The following PKP2 variants were observed in gnomAD, a reference collection of about 807,000 sequenced individuals.
PKP2 encodes the protein plakophilin 2, also known as plakophilin-2.
A neutral mutation model predicts 83.4 loss-of-function variants in PKP2; 73 were observed. The observed-to-expected ratio is 0.88, with a 90% CI of 0.72 to 1.06. The LOEUF (loss-of-function observed/expected upper bound fraction) is 1.06, where lower values mean the gene tolerates loss of function less well. PKP2 is among the 50% of genes least tolerant of loss of function. The probability of loss-of-function intolerance (pLI) is 0.00; values close to 1 mark genes in which losing one functional copy is unlikely to be tolerated. For synonymous variants in PKP2, 409 were observed against 430.4 expected (o/e 0.95, Z 0.62); for missense variants, 966 against 1,065.4 (o/e 0.91, Z 1.30).
chr12:32,813,385 A>T (rs1259307523), intron 9 of PKP2, among the ~76,000 whole-genome samples: 1 of 152,220 alleles, frequency 6.6e-6, no homozygotes, highest in South Asian at 2.1e-4. Flanking sequence ...ATGCTAATCA[A>T]CTTACTTTAA....
chr12:32,808,641 T>C (rs562501735), intron 9 of PKP2, among the ~76,000 whole-genome samples: 2 of 152,354 alleles, frequency 1.3e-5, no homozygotes, highest in Admixed American at 6.5e-5. Context: ...GCATTGATTC[T>C]TTCTCATCTT....
At position 32,878,107 on chromosome 12, in the gene PKP2, T is replaced by C; in HGVS notation, c.773A>G (p.Lys258Arg). 6.2e-7 allele frequency: 1 copy of C among 1,614,236 alleles called. No homozygotes were observed. The highest frequency in any genetic ancestry group is 8.5e-7 in the Non-Finnish European group (1 of 1,180,022). ...TSRSMGNLLE[K>R]ENYLTAGLTV... ...GAGCCCTGCCGTCAGGTAGTTCTCC[T>C]TCTCCAAGAGGTTGCCCATGCTGCG... Residue 258 changes from lysine to arginine, a missense_variant, in exon 3 of 13, where the codon AAG becomes AGG. By Grantham distance (26) the Lys-to-Arg change is conservative. Coordinates refer to ENST00000340811, the MANE Select transcript of PKP2 (RefSeq NM_001005242.3).
At chr12:32,882,779 T>C (rs926513560) in intron 1 of PKP2, among the ~76,000 whole-genome samples, 4 of 152,202 alleles carry the variant, frequency 2.6e-5, no homozygotes, top group Admixed American at 6.5e-5. Context: ...TGTTTATAAA[T>C]AGGGAAACTT....
chr12:32,812,714 G>A (rs1349669261), intron 9 of PKP2, among the ~76,000 whole-genome samples: 2 of 152,134 alleles, frequency 1.3e-5, no homozygotes, highest in African/African-American at 4.8e-5. Flanking sequence ...ATGTTAGCCA[G>A]GCTGGTCTTG....
At chr12:32,829,851 G>A (rs542340756) in intron 6 of PKP2, among the ~76,000 whole-genome samples, 1 of 152,014 alleles carries the variant, frequency 6.6e-6, no homozygotes, top group East Asian at 1.9e-4. Flanking sequence ...AGTAGAGACA[G>A]GGTTTCACCA....
rs890846311 is a variant in PKP2 at position 32,791,251 on chromosome 12, A to G, written c.*1173T>C. On this transcript the variant is annotated 3_prime_UTR_variant, in exon 13 of 13. Transcript: ENST00000340811. ...ACCATTTAAAATATCAGTATTTCTC[A>G]TATCATTTCTGGATGGTCTTGACAC... 3 of 152,194 alleles carry G rather than the reference A, an allele frequency of 2.0e-5. No homozygotes were observed. Among genetic ancestry groups the G allele is most frequent in the Non-Finnish European group, 4.4e-5 (3 of 68,042 alleles). The allele number at this position is 152,194 out of a possible 1,614,324, so 9.4% of individuals were successfully genotyped here.
intron 4 of PKP2, among the ~76,000 whole-genome samples, chr12:32,860,342 T>C (rs1240074359): frequency 6.6e-6 from 1 of 152,186 alleles, no homozygotes; most frequent in Non-Finnish European, 1.5e-5. Context: ...GGAAACTGTC[T>C]GAGGCCAGGG....
intron 9 of PKP2, among the ~76,000 whole-genome samples, chr12:32,817,289 T>C (rs540764887): frequency 6.6e-6 from 1 of 152,344 alleles, no homozygotes; most frequent in East Asian, 1.9e-4. Context: ...TCAAGATGGA[T>C]TTAAGATTTA....
At chr12:32,815,023 T>C (rs1208091915) in intron 9 of PKP2, among the ~76,000 whole-genome samples, 5 of 151,742 alleles carry the variant, frequency 3.3e-5, no homozygotes, top group Admixed American at 3.3e-4. Flanking sequence ...TTAACTTTTT[T>C]CTTTTCTGAT....
chr12:32,896,462 G>C (rs749260711), intron 1 of PKP2, 47 bp downstream of exon 1: 1 of 1,362,896 alleles, frequency 7.3e-7, no homozygotes, highest in Non-Finnish European at 9.7e-7. Context: ...GGAGGTGACC[G>C]GGTGTGGGGC....
chr12:32,813,864 T>C (rs1956298439), intron 9 of PKP2, among the ~76,000 whole-genome samples: 1 of 152,186 alleles, frequency 6.6e-6, no homozygotes, highest in Admixed American at 6.5e-5. Context: ...TATTAAAACA[T>C]AACTTTTATT....
chr12:32,847,835 ATGTC>A (rs1956660987), intron 5 of PKP2, among the ~76,000 whole-genome samples: 1 of 152,102 alleles, frequency 6.6e-6, no homozygotes, highest in South Asian at 2.1e-4. Flanking sequence ...GTGCAGTGGC[ATGTC>A]CCTGTAGTCC....
At chr12:32,895,925 A>C (rs1320920897) in intron 1 of PKP2, among the ~76,000 whole-genome samples, 2 of 152,152 alleles carry the variant, frequency 1.3e-5, no homozygotes, top group African/African-American at 4.8e-5. Context: ...AAAGCCTCCT[A>C]ACTACTTTTC....
chr12:32,793,850 C>G (rs1249070852), intron 11 of PKP2, among the ~76,000 whole-genome samples: 1 of 151,988 alleles, frequency 6.6e-6, no homozygotes, highest in African/African-American at 2.4e-5. Flanking sequence ...CTGCCTCGGC[C>G]TCTCATAGTG....
chr12:32,798,600 G>A (rs74678873), intron 10 of PKP2, among the ~76,000 whole-genome samples: 1 of 151,570 alleles, frequency 6.6e-6, no homozygotes, highest in Non-Finnish European at 1.5e-5. Flanking sequence ...CAGAAATAAA[G>A]CAAAATACTT....
intron 6 of PKP2, among the ~76,000 whole-genome samples, chr12:32,830,991 T>C (rs1956496087): frequency 6.6e-6 from 1 of 152,132 alleles, no homozygotes; most frequent in Non-Finnish European, 1.5e-5. Context: ...CAGCCAGTAA[T>C]CATCTGGCTG....
At chr12:32,892,839 G>T (rs1182470118) in intron 1 of PKP2, among the ~76,000 whole-genome samples, 4 of 129,952 alleles carry the variant, frequency 3.1e-5, no homozygotes, top group East Asian at 2.4e-4. Context: ...GGAGAACTGT[G>T]TAGCAAGTAG....
At chr12:32,881,826 G>A (rs1364877549) in intron 1 of PKP2, among the ~76,000 whole-genome samples, 2 of 152,114 alleles carry the variant, frequency 1.3e-5, no homozygotes, top group Admixed American at 1.3e-4. Flanking sequence ...GTTGGCTGAG[G>A]CTCGCGCCTA....
chr12:32,850,675 T>C, intron 5 of PKP2, 91 bp downstream of exon 5: 1 of 949,992 alleles, frequency 1.1e-6, no homozygotes, highest in Non-Finnish European at 1.7e-6. Context: ...CATCAATCAT[T>C]TGCTCCAGGA....
Sources: allele counts gnomAD v4.1 joint callset (sites outside exome capture counted in the v4.1 genomes callset), GRCh38; gene constraint gnomAD v4.1.1; transcripts MANE v1.5; gene names NCBI Gene and HGNC (gene_info 2026-07-23, HGNC 2026-07-21).